Variants in DPH6 observed in about 807,000 individuals in gnomAD.
DPH6 encodes the protein diphthamine biosynthesis 6, also known as diphthine--ammonia ligase.
In DPH6, 33 loss-of-function variants were observed where a neutral mutation model predicts 38.2. That is an observed-to-expected ratio of 0.86 (90% CI 0.65 to 1.15). DPH6 has a LOEUF of 1.15. Among genes scored for constraint, DPH6 ranks in the 50% most tolerant of loss-of-function variants. The probability of loss-of-function intolerance (pLI) is 0.00; values close to 1 mark genes in which losing one functional copy is unlikely to be tolerated. For synonymous variants in DPH6, 108 were observed against 103.0 expected (o/e 1.05, Z -0.30); for missense variants, 325 against 320.0 (o/e 1.02, Z -0.12).
intron 6 of DPH6, among the ~76,000 whole-genome samples, chr15:35,407,809 A>G (rs1408722094): frequency 1.3e-5 from 2 of 151,900 alleles, no homozygotes; most frequent in Non-Finnish European, 2.9e-5. Context: ...GAATAGGAGA[A>G]CGGTAGAAGA....
chr15:35,314,986 C>G (rs1389865632), intron 3 of DPH6, among the ~76,000 whole-genome samples: 1 of 152,140 alleles, frequency 6.6e-6, no homozygotes, highest in Non-Finnish European at 1.5e-5. Flanking sequence ...TGCTGCTGGT[C>G]TGATCCACTA....
chr15:35,433,013 C>T (rs780523053), intron 5 of DPH6, among the ~76,000 whole-genome samples: 17 of 151,768 alleles, frequency 1.1e-4, no homozygotes, highest in Non-Finnish European at 2.1e-4. Flanking sequence ...ACCCACTAAA[C>T]CTAAAATAAA....
At chr15:35,192,106 T>C in the DPH6 span, among the ~76,000 whole-genome samples, 1 of 152,234 alleles carries the variant, frequency 6.6e-6, no homozygotes, top group Non-Finnish European at 1.5e-5. Flanking sequence ...AGGAATCATT[T>C]ACATAATTGA....
At chr15:35,262,445 G>A (rs537932861) in intron 3 of DPH6, among the ~76,000 whole-genome samples, 21 of 152,128 alleles carry the variant, frequency 1.4e-4, no homozygotes, top group Non-Finnish European at 2.6e-4. Context: ...AGTGGCTCAC[G>A]CCTGTAATCC....
chr15:35,491,403 T>G (rs919301622), intron 3 of DPH6, among the ~76,000 whole-genome samples: 5 of 152,146 alleles, frequency 3.3e-5, no homozygotes, highest in African/African-American at 1.2e-4. Flanking sequence ...GTTAGTGAAA[T>G]CACTGTCATA....
chr15:35,190,578 T>C, the DPH6 span, among the ~76,000 whole-genome samples: 2 of 152,214 alleles, frequency 1.3e-5, no homozygotes, highest in Non-Finnish European at 2.9e-5. Flanking sequence ...AACAGTGATG[T>C]TATCCCCAAG....
intron 3 of DPH6, among the ~76,000 whole-genome samples, chr15:35,485,857 G>A (rs550098646): frequency 1.1e-4 from 16 of 152,258 alleles, no homozygotes; most frequent in African/African-American, 3.9e-4. Flanking sequence ...CCAAACTTCT[G>A]CTTCTTAAGC....
intron 6 of DPH6, among the ~76,000 whole-genome samples, chr15:35,395,197 T>C (rs763208722): frequency 6.6e-6 from 1 of 152,206 alleles, no homozygotes; most frequent in Non-Finnish European, 1.5e-5. Flanking sequence ...GGTGCTAATT[T>C]CTTTTTCAAT....
At chr15:35,310,933 C>T (rs2052136008) in intron 3 of DPH6, among the ~76,000 whole-genome samples, 1 of 151,658 alleles carries the variant, frequency 6.6e-6, no homozygotes, top group African/African-American at 2.4e-5. Flanking sequence ...GTGGCACATG[C>T]CTGTAATCCC....
intron 3 of DPH6, among the ~76,000 whole-genome samples, chr15:35,305,628 G>A (rs1224009330): frequency 2.0e-5 from 3 of 152,040 alleles, no homozygotes; most frequent in African/African-American, 7.2e-5. Context: ...TGGTTATTGT[G>A]CTTAGACCAT....
chr15:35,489,949 T>A, intron 3 of DPH6: 1 of 981,380 alleles, frequency 1.0e-6, no homozygotes, highest in African/African-American at 1.7e-5. Flanking sequence ...AAACTATTTT[T>A]AACAAACAGC....
At chr15:35,326,029 T>A (rs1441584999), downstream of DPH6, among the ~76,000 whole-genome samples, 1 of 151,748 alleles carries the variant, frequency 6.6e-6, no homozygotes, top group East Asian at 1.9e-4. Context: ...ATAGAAAAAA[T>A]TTTAAAAACC....
At chr15:35,537,889 T>C (rs1566944840) in intron 3 of DPH6, among the ~76,000 whole-genome samples, 1 of 152,122 alleles carries the variant, frequency 6.6e-6, no homozygotes, top group Non-Finnish European at 1.5e-5. Flanking sequence ...AATAAGCCTT[T>C]AACGTATGCG....
chr15:35,179,214 A>ATC, the DPH6 span, among the ~76,000 whole-genome samples: 2 of 150,272 alleles, frequency 1.3e-5, no homozygotes, highest in East Asian at 1.9e-4. Flanking sequence ...CAAAAAAAAA[A>ATC]AAAAAAAAAA....
Position 35,235,272 on chromosome 15 carries a change from A to G in DPH6, n.201-14690T>C, listed in dbSNP as rs145111946. 4.0e-3 allele frequency among the ~76,000 whole-genome samples: 612 copies of G among 152,286 alleles called. 1 individual carries two copies. The highest frequency in any genetic ancestry group is 5.6e-3 in the Non-Finnish European group (382 of 68,006). ...CAGTTCCCTTTCCTTGGTTTGGACA[A>G]CCTTGTGGTATAAAGTATATTCCAG... On this transcript the variant is annotated intron_variant and non_coding_transcript_variant, in intron 3 of 3. Transcript: ENST00000560386.
At chr15:35,360,191 G>T (rs534999172) in intron 3 of DPH6, among the ~76,000 whole-genome samples, 1 of 152,296 alleles carries the variant, frequency 6.6e-6, no homozygotes, top group South Asian at 2.1e-4. Context: ...TGGGTCCCCA[G>T]ATTGATAGGG....
intron 3 of DPH6, among the ~76,000 whole-genome samples, chr15:35,286,659 T>C (rs1467536458): frequency 6.6e-6 from 1 of 152,224 alleles, no homozygotes; most frequent in East Asian, 1.9e-4. Context: ...ATCCAGTACA[T>C]TATCTTGTTT....
intron 3 of DPH6, among the ~76,000 whole-genome samples, chr15:35,345,908 T>C (rs1027356929): frequency 1.3e-5 from 2 of 151,958 alleles, no homozygotes; most frequent in Non-Finnish European, 2.9e-5. Context: ...CCCTACAGGG[T>C]GATAAAATTA....
intron 3 of DPH6, among the ~76,000 whole-genome samples, chr15:35,466,366 A>G (rs1217877447): frequency 6.6e-6 from 1 of 152,194 alleles, no homozygotes; most frequent in African/African-American, 2.4e-5. Context: ...ATAAAGTAAC[A>G]CATTCAAGAA....
Sources: gnomAD v4.1 joint callset for allele counts (sites outside exome capture counted in the v4.1 genomes callset) on GRCh38, gnomAD v4.1.1 for gene constraint, MANE v1.5 for transcripts, NCBI Gene and HGNC (gene_info 2026-07-23, HGNC 2026-07-21) for gene names.